LRRC4C: variants seen among roughly 807,000 people sequenced by gnomAD.
LRRC4C encodes leucine-rich repeat-containing protein 4C.
Under a neutral mutation model 33.6 loss-of-function variants are expected in LRRC4C, and 5 were observed. That is an observed-to-expected ratio of 0.15 (90% CI 0.08 to 0.31). The LOEUF (loss-of-function observed/expected upper bound fraction) is 0.31. Ranked by LOEUF, LRRC4C falls within the 10% of genes least tolerant of loss-of-function variation. The pLI is 1.00. For synonymous variants in LRRC4C, 329 were observed against 302.0 expected (o/e 1.09, Z -0.93); for missense variants, 560 against 796.7 (o/e 0.70, Z 3.58).
chr11:41,099,865 G>C (rs1261868015), intron 1 of LRRC4C, among the ~76,000 whole-genome samples: 1 of 152,034 alleles, frequency 6.6e-6, no homozygotes, highest in Non-Finnish European at 1.5e-5. Context: ...AATAAATAAA[G>C]GGTATCCAAA....
intron 2 of LRRC4C, among the ~76,000 whole-genome samples, chr11:40,664,810 A>T: frequency 6.6e-6 from 1 of 152,042 alleles, no homozygotes; most frequent in East Asian, 1.9e-4. Flanking sequence ...GTTCTAGGGT[A>T]CATGTGCACA....
intron 1 of LRRC4C, among the ~76,000 whole-genome samples, chr11:41,140,918 A>G (rs1943474852): frequency 6.6e-6 from 1 of 152,192 alleles, no homozygotes; most frequent in Non-Finnish European, 1.5e-5. Flanking sequence ...CAAGTGGTAT[A>G]GTTTTTCATT....
intron 2 of LRRC4C, among the ~76,000 whole-genome samples, chr11:40,779,773 T>A (rs536033982): frequency 6.6e-6 from 1 of 152,250 alleles, no homozygotes; most frequent in Admixed American, 6.5e-5. Context: ...GTAAACTTAT[T>A]TGGGGCGTTT....
chr11:41,414,447 G>A (rs1954604283), intron 1 of LRRC4C, among the ~76,000 whole-genome samples: 2 of 152,086 alleles, frequency 1.3e-5, no homozygotes, highest in South Asian at 4.1e-4. Context: ...TTTTATTCAC[G>A]AATAGCATCA....
At chr11:41,101,399 G>A (rs949992232) in intron 1 of LRRC4C, among the ~76,000 whole-genome samples, 1 of 152,142 alleles carries the variant, frequency 6.6e-6, no homozygotes, top group Non-Finnish European at 1.5e-5. Flanking sequence ...ATGAAAAAAA[G>A]CTCAGTATCA....
intron 2 of LRRC4C, among the ~76,000 whole-genome samples, chr11:40,782,118 C>G (rs1264385046): frequency 6.6e-6 from 1 of 152,174 alleles, no homozygotes; most frequent in Non-Finnish European, 1.5e-5. Flanking sequence ...TTCCAAACAA[C>G]AGCCTCCCAG....
intron 1 of LRRC4C, among the ~76,000 whole-genome samples, chr11:41,222,341 A>G (rs146937328): frequency 3.9e-4 from 59 of 152,296 alleles, no homozygotes; most frequent in Non-Finnish European, 6.3e-4. Context: ...CTGACTTTCC[A>G]TACAGACAGC....
intron 2 of LRRC4C, among the ~76,000 whole-genome samples, chr11:40,684,334 T>TA (rs1226406947): frequency 3.3e-5 from 5 of 151,644 alleles, no homozygotes; most frequent in Non-Finnish European, 5.9e-5. Context: ...TCACAGAAAT[T>TA]AAAAAAAACT....
At chr11:40,280,799 C>T (rs1389554942) in intron 4 of LRRC4C, among the ~76,000 whole-genome samples, 1 of 152,160 alleles carries the variant, frequency 6.6e-6, no homozygotes, top group Non-Finnish European at 1.5e-5. Context: ...CTGTGTCCTA[C>T]CAACAAGGGA....
intron 6 of LRRC4C, among the ~76,000 whole-genome samples, chr11:40,119,313 C>T (rs1156916341): frequency 6.6e-6 from 1 of 152,120 alleles, no homozygotes; most frequent in Non-Finnish European, 1.5e-5. Flanking sequence ...CTTTTGTGTC[C>T]TTCTCTATGA....
At chr11:41,013,048 C>CT (rs1855324919) in intron 1 of LRRC4C, among the ~76,000 whole-genome samples, 1 of 152,142 alleles carries the variant, frequency 6.6e-6, no homozygotes, top group African/African-American at 2.4e-5. Context: ...ACTTTGTGCA[C>CT]TTAATACATA....
intron 4 of LRRC4C, among the ~76,000 whole-genome samples, chr11:40,256,475 C>T (rs1031455708): frequency 2.0e-5 from 3 of 152,132 alleles, no homozygotes; most frequent in Non-Finnish European, 4.4e-5. Context: ...ATCTAGGACT[C>T]TGGCTTCTGT....
intron 3 of LRRC4C, among the ~76,000 whole-genome samples, chr11:40,498,254 C>T (rs1054109512): frequency 2.0e-5 from 3 of 152,000 alleles, no homozygotes; most frequent in African/African-American, 7.3e-5. Flanking sequence ...ATCCCTAGAC[C>T]ACACTCCTGG....
At chr11:41,237,905 C>T (rs1300899071) in intron 1 of LRRC4C, among the ~76,000 whole-genome samples, 1 of 152,126 alleles carries the variant, frequency 6.6e-6, no homozygotes, top group African/African-American at 2.4e-5. Context: ...TTCACAATTT[C>T]ATTAAAAATA....
intron 3 of LRRC4C, among the ~76,000 whole-genome samples, chr11:40,357,661 T>A (rs1947734748): frequency 6.6e-6 from 1 of 151,970 alleles, no homozygotes; most frequent in Non-Finnish European, 1.5e-5. Context: ...TTATCAAAAA[T>A]GAAAAACCCT....
intron 2 of LRRC4C, among the ~76,000 whole-genome samples, chr11:40,664,366 A>C (rs60138509): frequency 4.1e-4 from 63 of 152,214 alleles, no homozygotes; most frequent in African/African-American, 1.5e-3. Flanking sequence ...CCAACATGGC[A>C]AAACTTCATC....
chr11:40,116,424 C>G, intron 6 of LRRC4C, 90 bp from the exon 7 acceptor site: 2 of 1,314,840 alleles, frequency 1.5e-6, no homozygotes, highest in South Asian at 3.3e-5. Flanking sequence ...AGTGTATCAG[C>G]TAAAGCCATC....
At chr11:40,821,197 C>T (rs910759466) in intron 2 of LRRC4C, among the ~76,000 whole-genome samples, 1 of 151,570 alleles carries the variant, frequency 6.6e-6, no homozygotes, top group African/African-American at 2.4e-5. Flanking sequence ...TTGAAACACA[C>T]AATAATTTTA....
chr11:41,459,125 T>A (rs184960355), intron 1 of LRRC4C, among the ~76,000 whole-genome samples: 79 of 152,206 alleles, frequency 5.2e-4, no homozygotes, highest in Admixed American at 1.5e-3. Context: ...TTAGAGAGTA[T>A]TGCAAGGCAG....
Sources: allele counts gnomAD v4.1 joint callset (sites outside exome capture counted in the v4.1 genomes callset), GRCh38; gene constraint gnomAD v4.1.1; transcripts MANE v1.5; gene names NCBI Gene and HGNC (gene_info 2026-07-23, HGNC 2026-07-21).